The following MLYCD variants were observed in gnomAD, a reference collection of about 807,000 sequenced individuals.
MLYCD encodes malonyl-CoA decarboxylase, mitochondrial.
A neutral mutation model predicts 35.8 loss-of-function variants in MLYCD; 27 were observed. The observed-to-expected ratio is 0.75, with a 90% CI of 0.56 to 1.04. The LOEUF (loss-of-function observed/expected upper bound fraction) is 1.04, where lower values mean the gene tolerates loss of function less well. Ranked by LOEUF, MLYCD falls within the 50% of genes least tolerant of loss-of-function variation. The pLI, the probability that MLYCD is intolerant of heterozygous loss-of-function variation, is 0.00. For missense variants in MLYCD, 917 were observed against 665.1 expected (o/e 1.38, Z -4.17); for synonymous variants, 403 against 302.4 (o/e 1.33, Z -3.45).
In MLYCD at chr16:83,922,174, G is replaced by T. The variant is rs536369694; in HGVS notation, c.*6685G>T. 1 of 150,482 alleles carries T rather than the reference G, an allele frequency of 6.6e-6. No homozygotes were observed. Among genetic ancestry groups the T allele is most frequent in the Non-Finnish European group, 1.5e-5 (1 of 67,780 alleles). 9.3% of individuals were successfully genotyped at this position (150,482 alleles called of 1,614,324 possible). On this transcript the variant is annotated 3_prime_UTR_variant, in exon 5 of 5. Coordinates refer to ENST00000262430, the MANE Select transcript of MLYCD (RefSeq NM_012213.3). ...CCCCTGCCACAGAGCCTGCCCCCCCGAGTGTTCCCCATCTCAGTCTGAGGC... is the reference window on the plus strand; with the variant it reads ...CCCCTGCCACAGAGCCTGCCCCCCCTAGTGTTCCCCATCTCAGTCTGAGGC...
intron 3 of MLYCD, among the ~76,000 whole-genome samples, chr16:83,911,297 A>C (rs1250814565): frequency 6.6e-6 from 1 of 152,202 alleles, no homozygotes; most frequent in African/African-American, 2.4e-5. Flanking sequence ...TTTCAGAACA[A>C]TTTCAGAAAG....
rs779130399 is a variant in MLYCD, at chr16:83,915,497, C to T, written c.*8C>T. The T allele has an allele frequency of 1.9e-6, 3 of 1,609,380 alleles. No homozygotes were observed. The highest frequency in any genetic ancestry group is 2.2e-5 in the East Asian group (1 of 44,888). On this transcript the variant is annotated 3_prime_UTR_variant, in exon 5 of 5. Transcript: ENST00000262430. ...AAGAACAGCAAGCTCTGACAGTAAACCTCTCCTAAAGCACAGGGCCCCGGC... is the reference window on the plus strand; with the variant it reads ...AAGAACAGCAAGCTCTGACAGTAAATCTCTCCTAAAGCACAGGGCCCCGGC...
At chr16:83,900,047 T>C (rs1469396118) in intron 1 of MLYCD, among the ~76,000 whole-genome samples, 1 of 152,246 alleles carries the variant, frequency 6.6e-6, no homozygotes, top group Non-Finnish European at 1.5e-5. Flanking sequence ...AACTAGAGCA[T>C]CAGGCAGCCT....
chr16:83,911,459 C>T (rs1907176844), intron 3 of MLYCD, among the ~76,000 whole-genome samples: 1 of 152,304 alleles, frequency 6.6e-6, no homozygotes, highest in Middle Eastern at 3.4e-3. Flanking sequence ...GAAAAGGTAG[C>T]CCCCTGCTGT....
chr16:83,912,156 G>C (rs1907201633), intron 3 of MLYCD, 62 bp from the exon 4 acceptor site: 1 of 1,609,388 alleles, frequency 6.2e-7, no homozygotes, highest in Non-Finnish European at 8.5e-7. Context: ...CCAGCAACAG[G>C]CTTGCCTCGT....
rs1907690957 is a variant in MLYCD at position 83,922,627 on chromosome 16, G to C, written c.*7138G>C. 1 of 152,252 alleles carries C rather than the reference G, an allele frequency of 6.6e-6. No homozygotes were observed. Among genetic ancestry groups the C allele is most frequent in the Admixed American group, 6.5e-5 (1 of 15,276 alleles). The allele number at this position is 152,252 out of a possible 1,614,324, so 9.4% of individuals were successfully genotyped here. A position where few individuals can be genotyped will look rare whatever the true frequency, so the allele number is the denominator to read the frequency against. On this transcript the variant is annotated 3_prime_UTR_variant, in exon 5 of 5. Transcript: ENST00000262430. ...TCATCTTTAAGTGGCAGTAACCATA[G>C]TACCGACCCCACAGCCTGCTGAGAG...
At chr16:83,908,093 A>G (rs1303286719) in intron 2 of MLYCD, 33 bp from the exon 3 acceptor site, 2 of 1,613,916 alleles carry the variant, frequency 1.2e-6, no homozygotes, top group South Asian at 1.1e-5. Flanking sequence ...TGAATTATGC[A>G]TTTGTCTTGT....
rs766257090 is a variant in MLYCD at position 83,899,670 on chromosome 16, C to T, written c.526C>T (p.Arg176Trp). Residue 176 changes from arginine to tryptophan, a missense_variant and splice_region_variant, in exon 1 of 5, where the codon CGG (arginine) becomes TGG (tryptophan). By Grantham distance (101) the Arg-to-Trp change is moderately radical. Transcript: ENST00000262430. ...CAAGCTGGTGGAGGGGCCGGACGTC[C>T]GGGTAAGGGGCCGCCGTCGATCCCC... is the stretch of plus-strand genomic sequence containing the variant. ...ALKLVEGPDV[R>W]EMNGVLKGML... The T allele has an allele frequency of 2.0e-6, 3 of 1,521,872 alleles. No homozygotes were observed. The highest frequency in any genetic ancestry group is 4.0e-5 in the Admixed American group (2 of 50,314). 94.3% of individuals were successfully genotyped at this position (1,521,872 alleles called of 1,614,324 possible). A position where few individuals can be genotyped will look rare whatever the true frequency, so the allele number is the denominator to read the frequency against.
Position 83,923,881 on chromosome 16 carries a change from T to C in MLYCD, c.*8392T>C, listed in dbSNP as rs897573163. On this transcript the variant is annotated 3_prime_UTR_variant, in exon 5 of 5. Coordinates refer to ENST00000262430, the MANE Select transcript of MLYCD (RefSeq NM_012213.3). Reference sequence around the variant, plus strand: ...AGGTTTTGGCAAGCCTGGAGGGGAATAGGTCAGAAAGGTAGCCCGGCTGGG... The same window carrying C: ...AGGTTTTGGCAAGCCTGGAGGGGAACAGGTCAGAAAGGTAGCCCGGCTGGG... 4 of 152,292 alleles carry C rather than the reference T, an allele frequency of 2.6e-5. No homozygotes were observed. Among genetic ancestry groups the C allele is most frequent in the Admixed American group, 6.6e-5 (1 of 15,254 alleles). 9.4% of individuals were successfully genotyped at this position (152,292 alleles called of 1,614,324 possible).
At chr16:83,900,286 A>T (rs1906737795) in intron 1 of MLYCD, among the ~76,000 whole-genome samples, 1 of 152,194 alleles carries the variant, frequency 6.6e-6, no homozygotes, top group African/African-American at 2.4e-5. Context: ...GACTTGAGGT[A>T]ATCAGGCATT....
intron 1 of MLYCD, among the ~76,000 whole-genome samples, chr16:83,904,020 A>G (rs1336649971): frequency 2.0e-5 from 3 of 152,170 alleles, no homozygotes; most frequent in Admixed American, 6.5e-5. Flanking sequence ...GGAGACTTCT[A>G]ACCTTTAGCC....
chr16:83,909,875 T>G, intron 3 of MLYCD, among the ~76,000 whole-genome samples: 1 of 151,766 alleles, frequency 6.6e-6, no homozygotes, highest in East Asian at 1.9e-4. Context: ...TCAGGTGATC[T>G]GCCCGCCGCG....
At position 83,899,331 on chromosome 16, in the gene MLYCD, C is replaced by T; in HGVS notation, c.187C>T (p.Pro63Ser). 1 of 1,505,554 alleles carries T rather than the reference C, an allele frequency of 6.6e-7. No homozygotes were observed. The highest frequency in any genetic ancestry group is 8.8e-7 in the Non-Finnish European group (1 of 1,134,600). The allele number at this position is 1,505,554 out of a possible 1,614,324, so 93.3% of individuals were successfully genotyped here. The change falls in exon 1 of 5, where the codon CCC becomes TCC. Residue 63 changes from proline to serine, a missense_variant. Transcript: ENST00000262430. ...CGAGCTGCGCGAGAAGACACCGGCGCCCGCCGAGGGTCAGTGCGCGGACTT... is the reference window on the plus strand; with the variant it reads ...CGAGCTGCGCGAGAAGACACCGGCGTCCGCCGAGGGTCAGTGCGCGGACTT... ...AYELREKTPA[P>S]AEGQCADFVS...
rs770530515 is a variant in MLYCD, at chr16:83,915,447, C to T, written c.1440C>T (p.Val480=). The part of the protein sequence containing the change: ...GSKIIKASEQ[V]LSLVAQFQKN... ...AGATCATCAAAGCCTCTGAGCAGGTCCTCAGCCTAGTGGCCCAGTTTCAAA... is the reference window on the plus strand; with the variant it reads ...AGATCATCAAAGCCTCTGAGCAGGTTCTCAGCCTAGTGGCCCAGTTTCAAA... Residue 480 remains valine (V), a synonymous_variant, in exon 5 of 5, where the codon GTC becomes GTT. Coordinates refer to ENST00000262430, the MANE Select transcript of MLYCD (RefSeq NM_012213.3). 6.2e-7 allele frequency: 1 copy of T among 1,613,406 alleles called. No homozygotes were observed. Among genetic ancestry groups the T allele is most frequent in the Non-Finnish European group, 8.5e-7 (1 of 1,180,046 alleles).
At chr16:83,901,160 C>A (rs996664618) in intron 1 of MLYCD, among the ~76,000 whole-genome samples, 1 of 152,116 alleles carries the variant, frequency 6.6e-6, no homozygotes, top group South Asian at 2.1e-4. Flanking sequence ...GACAGAAAGC[C>A]CACAGTTGCT....
rs1907001399 is a variant in MLYCD at position 83,907,005 on chromosome 16, A to G, written c.547A>G (p.Lys183Glu). The G allele has an allele frequency of 6.2e-7, 1 of 1,614,132 alleles. No individual in the cohort carries two copies. The part of the protein sequence containing the change: ...PDVREMNGVL[K>E]GMLSEWFSSG... ...TTTTCAGGAAATGAATGGGGTGCTGAAAGGAATGCTCTCAGAATGGTTTTC... is the reference window on the plus strand; with the variant it reads ...TTTTCAGGAAATGAATGGGGTGCTGGAAGGAATGCTCTCAGAATGGTTTTC... The change falls in exon 2 of 5, where the codon AAA (lysine) becomes GAA (glutamate). Residue 183 changes from lysine to glutamate, a missense_variant. Lys to Glu is a moderately conservative substitution (Grantham distance 56, BLOSUM62 1). Coordinates refer to ENST00000262430, the MANE Select transcript of MLYCD (RefSeq NM_012213.3).
chr16:83,912,567 A>T (rs558632670), intron 4 of MLYCD, 200 bp downstream of exon 4: 113 of 677,550 alleles, frequency 1.7e-4, no homozygotes, highest in Non-Finnish European at 2.5e-4. Flanking sequence ...AATGATGCTG[A>T]GAGAGGCCTC....
Position 83,899,310 on chromosome 16 carries a change from C to A in MLYCD, c.166C>A (p.Leu56Met). Residue 56 changes from leucine (L) to methionine (M), a missense_variant, in exon 1 of 5, where the codon CTG (leucine) becomes ATG (methionine). Physicochemically the swap from Leu to Met is conservative, Grantham distance 15 (BLOSUM62 2). Transcript: ENST00000262430. The part of the protein sequence containing the change: ...RAVPPTPAYE[L>M]REKTPAPAEG... Reference sequence around the variant, plus strand: ...GGTGCCGCCGACGCCGGCCTACGAGCTGCGCGAGAAGACACCGGCGCCCGC... The same window carrying A: ...GGTGCCGCCGACGCCGGCCTACGAGATGCGCGAGAAGACACCGGCGCCCGC... 6.7e-7 allele frequency: 1 copy of A among 1,491,580 alleles called. No individual in the cohort carries two copies. The highest frequency in any genetic ancestry group is 2.2e-5 in the Admixed American group (1 of 45,832). 92.4% of individuals were successfully genotyped at this position (1,491,580 alleles called of 1,614,324 possible).
rs1045367505 is a variant in MLYCD, at chr16:83,917,498, C to CGA, written c.*2009_*2010insGA. 1.6e-4 allele frequency: 25 copies of CGA among 154,626 alleles called. No homozygotes were observed. Among genetic ancestry groups the CGA allele is most frequent in the African/African-American group, 6.0e-4 (25 of 41,670 alleles). The allele number at this position is 154,626 out of a possible 1,614,324, so 9.6% of individuals were successfully genotyped here. On this transcript the variant is annotated 3_prime_UTR_variant, in exon 5 of 5. Transcript: ENST00000262430. ...CCCTCACCTTCCTTGCCTTTCATCT[C>CGA]CTGTGACCCTCGCCAGGCCCCTTCT... is the stretch of plus-strand genomic sequence containing the variant.
Sources: allele counts gnomAD v4.1 joint callset (sites outside exome capture counted in the v4.1 genomes callset), GRCh38; gene constraint gnomAD v4.1.1; transcripts MANE v1.5; gene names NCBI Gene and HGNC (gene_info 2026-07-23, HGNC 2026-07-21).